Variants in ATRN observed in about 807,000 individuals in gnomAD.
ATRN encodes attractin, also known as attractin-2.
In ATRN, 54 loss-of-function variants were observed where a neutral mutation model predicts 178.7. The observed-to-expected ratio is 0.30, with a 90% CI of 0.24 to 0.38. The LOEUF is 0.38. Ranked by LOEUF, ATRN falls within the 10% of genes least tolerant of loss-of-function variation. ATRN has a pLI of 1.00. For missense variants in ATRN, 1,443 were observed against 1,815.1 expected, an observed-to-expected ratio of 0.79 and a Z score of 3.73; for synonymous variants, 636 against 663.0, an observed-to-expected ratio of 0.96 and a Z score of 0.63.
intron 1 of ATRN, among the ~76,000 whole-genome samples, chr20:3,532,296 T>C (rs2085465309): frequency 6.6e-6 from 1 of 152,204 alleles, no homozygotes; most frequent in Non-Finnish European, 1.5e-5. Flanking sequence ...ATCAAGGAAG[T>C]GTGTACACAC....
intron 24 of ATRN, among the ~76,000 whole-genome samples, chr20:3,607,500 C>T (rs1442952623): frequency 6.6e-6 from 1 of 152,182 alleles, no homozygotes; most frequent in Non-Finnish European, 1.5e-5. Flanking sequence ...TGGCTTGTTT[C>T]ACTTAACATA....
At position 3,650,717 on chromosome 20, in the gene ATRN, T is replaced by G. The variant is rs2087140578; in HGVS notation, c.*3870T>G. On this transcript the variant is annotated 3_prime_UTR_variant, in exon 29 of 29. Transcript: ENST00000262919. Reference sequence around the variant, plus strand: ...AGTAATGGAATTGATTTTCAGTAACTGAATTTGTGCACAAAACATTCTAAA... The same window carrying G: ...AGTAATGGAATTGATTTTCAGTAACGGAATTTGTGCACAAAACATTCTAAA... The G allele has an allele frequency of 6.5e-6, 1 of 152,708 alleles. No homozygotes were observed. Among genetic ancestry groups the G allele is most frequent in the South Asian group, 2.1e-4 (1 of 4,836 alleles). 9.5% of individuals were successfully genotyped at this position (152,708 alleles called of 1,614,324 possible).
chr20:3,543,728 A>G (rs1057327732), intron 3 of ATRN, among the ~76,000 whole-genome samples: 1 of 81,140 alleles, frequency 1.2e-5, no homozygotes, highest in Admixed American at 1.1e-4. Context: ...CGGTCTCAAG[A>G]AAAAAAAAAA....
At chr20:3,629,399 C>A in intron 25 of ATRN, 1 of 726,466 alleles carries the variant, frequency 1.4e-6, no homozygotes, top group Non-Finnish European at 1.7e-6. Flanking sequence ...TCTTTCCCTA[C>A]ACTGAGCATT....
At chr20:3,585,666 G>A (rs1355779654) in intron 18 of ATRN, among the ~76,000 whole-genome samples, 1 of 152,138 alleles carries the variant, frequency 6.6e-6, no homozygotes, top group Non-Finnish European at 1.5e-5. Context: ...TGACAACCCA[G>A]AGAATGGGAG....
At chr20:3,585,697 A>G (rs1232615407) in intron 18 of ATRN, among the ~76,000 whole-genome samples, 2 of 152,240 alleles carry the variant, frequency 1.3e-5, no homozygotes, top group Admixed American at 6.5e-5. Flanking sequence ...CAAAGTATAT[A>G]TCTAATAAGA....
intron 20 of ATRN, among the ~76,000 whole-genome samples, chr20:3,595,944 A>T (rs1166044582): frequency 6.6e-6 from 1 of 152,170 alleles, no homozygotes; most frequent in African/African-American, 2.4e-5. Context: ...AAAAACAGTG[A>T]TTCTTGGTAT....
chr20:3,514,988 A>C (rs2085187475), intron 1 of ATRN, among the ~76,000 whole-genome samples: 2 of 152,140 alleles, frequency 1.3e-5, no homozygotes, highest in South Asian at 4.1e-4. Context: ...ATACTTCCTT[A>C]ATATATTAGG....
intron 1 of ATRN, among the ~76,000 whole-genome samples, chr20:3,517,213 G>T (rs1393465050): frequency 6.6e-6 from 1 of 152,024 alleles, no homozygotes; most frequent in Non-Finnish European, 1.5e-5. Flanking sequence ...TAAAAGTTAT[G>T]CCATAGAAAA....
At chr20:3,528,234 G>T (rs1278535688) in intron 1 of ATRN, among the ~76,000 whole-genome samples, 1 of 152,044 alleles carries the variant, frequency 6.6e-6, no homozygotes, top group African/African-American at 2.4e-5. Context: ...CGGGCATGGT[G>T]GTGGGCGCCT....
intron 14 of ATRN, 65 bp downstream of exon 14, chr20:3,577,062 T>C (rs945892066): frequency 2.5e-6 from 4 of 1,577,326 alleles, no homozygotes; most frequent in Non-Finnish European, 3.4e-6. Context: ...CCCCCAACAC[T>C]GTGCAGCCTA....
intron 1 of ATRN, among the ~76,000 whole-genome samples, chr20:3,481,896 A>C (rs2146070804): frequency 6.8e-6 from 1 of 147,302 alleles, no homozygotes; most frequent in Non-Finnish European, 1.5e-5. Context: ...TATTTTAAGA[A>C]TTTTTTGATT....
chr20:3,648,493 C>T lies in ATRN; in HGVS notation c.*1646C>T, dbSNP rs901044565. 6.6e-6 allele frequency: 1 copy of T among 152,546 alleles called. No individual in the cohort carries two copies. Among genetic ancestry groups the T allele is most frequent in the Non-Finnish European group, 1.5e-5 (1 of 68,036 alleles). 9.4% of individuals were successfully genotyped at this position (152,546 alleles called of 1,614,324 possible). On this transcript the variant is annotated 3_prime_UTR_variant, in exon 29 of 29. Transcript: ENST00000262919. ...GGATGGACCGCTGGACAGCAATGCTCGAGTTTGTGAATTTGGAGAGATACT... is the reference window on the plus strand; with the variant it reads ...GGATGGACCGCTGGACAGCAATGCTTGAGTTTGTGAATTTGGAGAGATACT...
intron 1 of ATRN, among the ~76,000 whole-genome samples, chr20:3,508,242 C>T (rs1422975961): frequency 1.3e-5 from 2 of 150,948 alleles, no homozygotes; most frequent in East Asian, 3.9e-4. Context: ...CTGAAAACTA[C>T]CTTCTTATTA....
chr20:3,616,558 T>C (rs2086849355), intron 24 of ATRN, among the ~76,000 whole-genome samples: 1 of 152,130 alleles, frequency 6.6e-6, no homozygotes, highest in African/African-American at 2.4e-5. Flanking sequence ...ACCAGGAGTT[T>C]AGCAGAGCTG....
In ATRN at chr20:3,647,091, G is replaced by A; in HGVS notation, c.*244G>A. Reference sequence around the variant, plus strand: ...GATTTAATTACAGGTCCAGGGATGAGCTGATGGTTGCTGGAGGAGGCCAGT... The same window carrying A: ...GATTTAATTACAGGTCCAGGGATGAACTGATGGTTGCTGGAGGAGGCCAGT... On this transcript the variant is annotated 3_prime_UTR_variant, in exon 29 of 29. Transcript: ENST00000262919. 1 of 390,170 alleles carries A rather than the reference G, an allele frequency of 2.6e-6. No homozygotes were observed. Among genetic ancestry groups the A allele is most frequent in the Non-Finnish European group, 4.5e-6 (1 of 220,094 alleles). The allele number at this position is 390,170 out of a possible 1,614,324, so 24.2% of individuals were successfully genotyped here.
chr20:3,614,159 G>A (rs1188253876), intron 24 of ATRN, among the ~76,000 whole-genome samples: 2 of 152,128 alleles, frequency 1.3e-5, no homozygotes, highest in Admixed American at 6.5e-5. Context: ...TGTTGGGGCC[G>A]GTTGTGCCTG....
chr20:3,534,832 T>C (rs1041417252), intron 1 of ATRN, among the ~76,000 whole-genome samples: 8 of 151,868 alleles, frequency 5.3e-5, no homozygotes, highest in Non-Finnish European at 1.0e-4. Context: ...TATCGCTGGG[T>C]GTGAGGGCTC....
At chr20:3,494,198 C>T (rs1462129069) in intron 1 of ATRN, among the ~76,000 whole-genome samples, 1 of 152,158 alleles carries the variant, frequency 6.6e-6, no homozygotes, top group African/African-American at 2.4e-5. Context: ...TCAGGCTGTG[C>T]TGAGCCACGA....
Sources: allele counts gnomAD v4.1 joint callset (sites outside exome capture counted in the v4.1 genomes callset), GRCh38; gene constraint gnomAD v4.1.1; transcripts MANE v1.5; gene names NCBI Gene and HGNC (gene_info 2026-07-23, HGNC 2026-07-21).